Variants in CMYA5 observed in about 807,000 individuals in gnomAD.
The protein encoded by CMYA5 is cardiomyopathy-associated protein 5.
A neutral mutation model predicts 318.9 loss-of-function variants in CMYA5; 246 were observed. The observed-to-expected ratio is 0.77, with a 90% CI of 0.70 to 0.86. CMYA5 has a LOEUF of 0.86. Among genes scored for constraint, CMYA5 ranks in the 40% least tolerant of loss-of-function variants. CMYA5 has a pLI of 0.00. For synonymous variants in CMYA5, 1,641 were observed against 1,729.5 expected (o/e 0.95, Z 1.27); for missense variants, 4,589 against 4,678.2 (o/e 0.98, Z 0.56).
rs137898917 is a variant in CMYA5 at position 79,738,905 on chromosome 5, G to A, written c.10140G>A (p.Pro3380=). The change falls in exon 2 of 13, where the codon CCG becomes CCA. Residue 3380 remains proline, a synonymous_variant. Coordinates refer to ENST00000446378, the MANE Select transcript of CMYA5 (RefSeq NM_153610.5). ...ATGTCCCAGTACAAGTGTCCTTCCCGGAGGAAGAATTTGCATCTGGTGCAA... is the reference window on the plus strand; with the variant it reads ...ATGTCCCAGTACAAGTGTCCTTCCCAGAGGAAGAATTTGCATCTGGTGCAA... ...NLNVPVQVSF[P]EEEFASGATH... is the part of the protein sequence containing the mutation. The A allele has an allele frequency of 3.5e-4, 564 of 1,613,864 alleles. 6 individuals are homozygous for A. In the East Asian group the frequency reaches 0.011, roughly 31 times the overall value.
At chr5:79,793,890 C>T (rs1829225998) in intron 12 of CMYA5, among the ~76,000 whole-genome samples, 1 of 152,182 alleles carries the variant, frequency 6.6e-6, no homozygotes, top group African/African-American at 2.4e-5. Context: ...AGGTCAGCTT[C>T]CTTGCTCTGC....
In CMYA5 at chr5:79,706,567, T is replaced by G. The variant is rs574416248; in HGVS notation, c.149+16511T>G. On this transcript the variant is annotated intron_variant, in intron 1 of 12. Coordinates refer to ENST00000446378, the MANE Select transcript of CMYA5 (RefSeq NM_153610.5). The stretch of plus-strand genomic sequence containing the variant: ...CAAGATCAGGGCGTTTATAGCCCTA[T>G]CTTATCCATATGAACAGGTGCCCCT... Among the ~76,000 whole-genome samples, 6 of 152,300 alleles carry G rather than the reference T, an allele frequency of 3.9e-5. No homozygotes were observed. In the South Asian group the frequency reaches 6.2e-4, roughly 16 times the overall value.
Position 79,734,768 on chromosome 5 carries a change from G to T in CMYA5, c.6003G>T (p.Glu2001Asp). The T allele has an allele frequency of 6.2e-7, 1 of 1,613,850 alleles. No individual in the cohort carries two copies. The highest frequency in any genetic ancestry group is 8.5e-7 in the Non-Finnish European group (1 of 1,179,826). The change falls in exon 2 of 13, where the codon GAG becomes GAT. Residue 2001 changes from glutamate (E) to aspartate (D), a missense_variant. By Grantham distance (45) the Glu-to-Asp change is conservative. Transcript: ENST00000446378. ...CTTTAGTCCTAGCTGGAAATGTAGA[G>T]AGAAACATAGCAGAGGGGAAGGAGA... ...PKSLVLAGNVERNIAEGKEIH... is the reference protein window; with the variant it reads ...PKSLVLAGNVDRNIAEGKEIH...
At chr5:79,726,515 C>A (rs551737758) in intron 1 of CMYA5, among the ~76,000 whole-genome samples, 2 of 152,302 alleles carry the variant, frequency 1.3e-5, no homozygotes, top group Admixed American at 1.3e-4. Context: ...AATACCCAAG[C>A]AAATGAGTGA....
chr5:79,787,100 C>T (rs1829095456), intron 9 of CMYA5, among the ~76,000 whole-genome samples: 1 of 152,176 alleles, frequency 6.6e-6, no homozygotes, highest in South Asian at 2.1e-4. Flanking sequence ...CAAACACTTA[C>T]CTACAAAACA....
chr5:79,761,847 GCTACTGCATTTT>G lies in CMYA5; in HGVS notation c.11298_11309del (p.Tyr3767_Phe3770del). 1 of 1,613,584 alleles carries G rather than the reference GCTACTGCATTTT, an allele frequency of 6.2e-7. No homozygotes were observed. The highest frequency in any genetic ancestry group is 1.3e-5 in the African/African-American group (1 of 75,060). The stretch of plus-strand genomic sequence containing the variant: ...GAATACAGACTGACAGTGAAAGAAA[GCTACTGCATTTT>G]TGAAGATCTGGAACCTGACCGATGC... On this transcript the variant is annotated inframe_deletion, in exon 8 of 13. Coordinates refer to ENST00000446378, the MANE Select transcript of CMYA5 (RefSeq NM_153610.5).
In CMYA5 at chr5:79,689,963, ACGAGGAGGCGACCCGGGAGCTGGAGAC is replaced by A. The variant is rs1042753384; in HGVS notation, c.65_91del (p.Ala22_Glu30del). On this transcript the variant is annotated inframe_deletion, in exon 1 of 13. Transcript: ENST00000446378. ...GAGAGCTTTCTCGGCTCCGACGGGG[ACGAGGAGGCGACCCGGGAGCTGGAGAC>A]CGAGGAGGAGTCGGAGGGCGAGGAG... 6 of 1,201,312 alleles carry A rather than the reference ACGAGGAGGCGACCCGGGAGCTGGAGAC, an allele frequency of 5.0e-6. No homozygotes were observed. In the Admixed American group the frequency reaches 8.1e-5, roughly 16 times the overall value. The allele number at this position is 1,201,312 out of a possible 1,614,324, so 74.4% of individuals were successfully genotyped here.
intron 1 of CMYA5, among the ~76,000 whole-genome samples, chr5:79,712,446 C>T (rs1001172018): frequency 6.6e-6 from 1 of 152,106 alleles, no homozygotes; most frequent in African/African-American, 2.4e-5. Flanking sequence ...CTCCTGCCCT[C>T]AAATGATCCA....
rs972106633 is a variant in CMYA5 at position 79,785,963 on chromosome 5, A to G, written c.11556-3008A>G. ...CCCAAGCTAGAGAGGCTGTCCTCAC[A>G]AGCATCAGCTGCTGGGGGCTTCCAC... On this transcript the variant is annotated intron_variant, in intron 9 of 12. Coordinates refer to ENST00000446378, the MANE Select transcript of CMYA5 (RefSeq NM_153610.5). 6.6e-5 allele frequency among the ~76,000 whole-genome samples: 10 copies of G among 152,356 alleles called. No individual in the cohort carries two copies. In the East Asian group the frequency reaches 1.7e-3, roughly 26 times the overall value.
intron 6 of CMYA5, among the ~76,000 whole-genome samples, chr5:79,754,698 G>T (rs532610900): frequency 6.6e-6 from 1 of 151,962 alleles, no homozygotes; most frequent in African/African-American, 2.4e-5. Flanking sequence ...TTACCATCTT[G>T]CCCATTTTTA....
At chr5:79,758,259 T>C in intron 6 of CMYA5, among the ~76,000 whole-genome samples, 2 of 148,878 alleles carry the variant, frequency 1.3e-5, no homozygotes, top group East Asian at 2.0e-4. Flanking sequence ...TTGGCCGGTG[T>C]GGTGGCTCAT....
At position 79,761,958 on chromosome 5, in the gene CMYA5, G is replaced by A. The variant is rs112103439; in HGVS notation, c.11407+1G>A. On this transcript the variant is annotated splice_donor_variant, in intron 8 of 12. Transcript: ENST00000446378. LOFTEE classifies it high-confidence loss of function. ...AGTGAAAGGGCCATCTTTAGGACAGGTAAGGAGATGGATGCTAAGGGTGCA... is the reference window on the plus strand; with the variant it reads ...AGTGAAAGGGCCATCTTTAGGACAGATAAGGAGATGGATGCTAAGGGTGCA... The A allele has an allele frequency of 5.0e-6, 8 of 1,611,620 alleles. No homozygotes were observed. In the African/African-American group the frequency reaches 5.3e-5, roughly 11 times the overall value.
At chr5:79,790,415 G>A (rs1485676098) in intron 10 of CMYA5, among the ~76,000 whole-genome samples, 1 of 152,100 alleles carries the variant, frequency 6.6e-6, no homozygotes, top group East Asian at 1.9e-4. Context: ...GATTACAGGT[G>A]CGCACCACCA....
chr5:79,703,450 A>G (rs1218289490), intron 1 of CMYA5, among the ~76,000 whole-genome samples: 8 of 152,202 alleles, frequency 5.3e-5, no homozygotes, highest in African/African-American at 9.7e-5. Flanking sequence ...ACACCTTGGT[A>G]TTTCTGCTTT....
chr5:79,771,876 C>T (rs1417412380), intron 9 of CMYA5, among the ~76,000 whole-genome samples: 1 of 152,202 alleles, frequency 6.6e-6, no homozygotes, highest in Non-Finnish European at 1.5e-5. Context: ...CCTCAATAAC[C>T]TGATGACTGG....
intron 7 of CMYA5, among the ~76,000 whole-genome samples, chr5:79,759,412 C>T (rs772369686): frequency 2.0e-5 from 3 of 152,206 alleles, no homozygotes; most frequent in Non-Finnish European, 2.9e-5. Flanking sequence ...CACCAACAAG[C>T]CACAAGATTC....
At chr5:79,739,650 A>G (rs1828171423) in intron 2 of CMYA5, among the ~76,000 whole-genome samples, 1 of 151,738 alleles carries the variant, frequency 6.6e-6, no homozygotes, top group African/African-American at 2.4e-5. Context: ...CCGCAGATCA[A>G]ATATATCCAG....
At chr5:79,763,040 T>C in intron 8 of CMYA5, 22 bp from the exon 9 acceptor site, 1 of 1,602,468 alleles carries the variant, frequency 6.2e-7, no homozygotes, top group Non-Finnish European at 8.5e-7. Context: ...GCTCCACGAC[T>C]GTCCTGACTC....
intron 2 of CMYA5, among the ~76,000 whole-genome samples, chr5:79,742,052 TC>T (rs1828218673): frequency 8.0e-4 from 1 of 1,254 alleles, no homozygotes; most frequent in Non-Finnish European, 1.7e-3. Context: ...TTTCTCCTCT[TC>T]TTCTTCTTCT....
Sources: allele counts gnomAD v4.1 joint callset (sites outside exome capture counted in the v4.1 genomes callset), GRCh38; gene constraint gnomAD v4.1.1; transcripts MANE v1.5; gene names NCBI Gene and HGNC (gene_info 2026-07-23, HGNC 2026-07-21).